Variants in UBR2 observed in about 807,000 individuals in gnomAD.
UBR2 encodes the protein E3 ubiquitin-protein ligase UBR2.
UBR2 carries 92 observed loss-of-function variants against 247.9 expected under a neutral mutation model. The ratio of observed to expected loss-of-function variants is 0.37; its 90% CI spans 0.31 to 0.44. The LOEUF (loss-of-function observed/expected upper bound fraction) is 0.44, where lower values mean the gene tolerates loss of function less well. UBR2 is among the 20% of genes least tolerant of loss of function. UBR2 has a pLI of 1.00. For synonymous variants in UBR2, 672 were observed against 693.5 expected, an observed-to-expected ratio of 0.97 and a Z score of 0.49; for missense variants, 1,613 against 2,112.6, an observed-to-expected ratio of 0.76 and a Z score of 4.64.
intron 31 of UBR2, 120 bp from the exon 32 acceptor site, chr6:42,663,138 G>T: frequency 1.2e-6 from 1 of 821,546 alleles, no homozygotes. Flanking sequence ...AAATAATTTA[G>T]TTTAAGATTT....
intron 8 of UBR2, among the ~76,000 whole-genome samples, chr6:42,614,752 A>C (rs879594568): frequency 9.2e-5 from 14 of 152,038 alleles, no homozygotes; most frequent in Admixed American, 2.0e-4. Context: ...AATTAGCATA[A>C]GTGCTTGAAG....
At chr6:42,638,335 G>A (rs1467977150) in intron 15 of UBR2, among the ~76,000 whole-genome samples, 3 of 151,980 alleles carry the variant, frequency 2.0e-5, no homozygotes, top group Non-Finnish European at 1.5e-5. Context: ...GGGGTCAGTA[G>A]TAATGATTCC....
At chr6:42,613,464 C>T (rs1794220821) in intron 8 of UBR2, among the ~76,000 whole-genome samples, 1 of 152,134 alleles carries the variant, frequency 6.6e-6, no homozygotes, top group South Asian at 2.1e-4. Context: ...GCCCACTCCT[C>T]TAGTCATAAC....
chr6:42,640,359 T>C, intron 16 of UBR2, 89 bp downstream of exon 16: 1 of 1,120,774 alleles, frequency 8.9e-7, no homozygotes, highest in Non-Finnish European at 1.3e-6. Flanking sequence ...TAGTTTGGGT[T>C]CTCCAGAGGA....
intron 11 of UBR2, among the ~76,000 whole-genome samples, chr6:42,624,012 T>TTA (rs2151945598): frequency 6.6e-6 from 1 of 152,338 alleles, no homozygotes; most frequent in South Asian, 2.1e-4. Flanking sequence ...TCTTTCCTTG[T>TTA]TATAGCCTTT....
At chr6:42,615,635 A>C (rs1019500128) in intron 9 of UBR2, among the ~76,000 whole-genome samples, 1 of 151,970 alleles carries the variant, frequency 6.6e-6, no homozygotes, top group East Asian at 1.9e-4. Context: ...TTTGAGACTT[A>C]AAATACAAGC....
At chr6:42,635,591 G>T (rs749446266) in intron 14 of UBR2, 45 bp downstream of exon 14, 1 of 1,572,688 alleles carries the variant, frequency 6.4e-7, no homozygotes. Flanking sequence ...AGTGGAAGAG[G>T]GAGGAATAAG....
chr6:42,688,494 T>C, intron 45 of UBR2, 108 bp downstream of exon 45: 1 of 1,304,338 alleles, frequency 7.7e-7, no homozygotes, highest in Non-Finnish European at 1.1e-6. Flanking sequence ...TACTGTTCCG[T>C]GTGATTCATT....
rs181670723 is a variant in UBR2 at position 42,652,737 on chromosome 6, C to T, written c.2769+92C>T. ...GTATCTATACACAGGAAAACTAGGC[C>T]GAAATGTATTGTGTTTTCCTAACTT... On this transcript the variant is annotated intron_variant, in intron 25 of 46. Transcript: ENST00000372901. 80 of 1,177,224 alleles carry T rather than the reference C, an allele frequency of 6.8e-5. 1 individual carries two copies. In the East Asian group the frequency reaches 9.2e-4, roughly 14 times the overall value. The allele number at this position is 1,177,224 out of a possible 1,614,324, so 72.9% of individuals were successfully genotyped here.
At chr6:42,624,129 G>GT (rs1342242435) in intron 11 of UBR2, among the ~76,000 whole-genome samples, 6 of 139,944 alleles carry the variant, frequency 4.3e-5, no homozygotes, top group South Asian at 4.5e-4. Context: ...TTTTTTGTTT[G>GT]TTTGTTTTGT....
Position 42,683,063 on chromosome 6 carries a change from G to A in UBR2, c.4727G>A (p.Arg1576His), listed in dbSNP as rs761770410. 60 of 1,612,144 alleles carry A rather than the reference G, an allele frequency of 3.7e-5. 1 individual carries two copies. Among genetic ancestry groups the A allele is most frequent in the East Asian group, 1.6e-4 (7 of 44,692 alleles). The change falls in exon 43 of 47, where the codon CGT becomes CAT. Residue 1576 changes from arginine (R) to histidine (H), a missense_variant. Physicochemically the swap from Arg to His is conservative, Grantham distance 29. Coordinates refer to ENST00000372901, the MANE Select transcript of UBR2 (RefSeq NM_001363705.2). ...CTCTGTTTACATTAAAGTTGGTGCC[G>A]TAACAGTGAAGTTAAAAGATATCTA... The part of the protein sequence containing the change: ...IMNSLIESWC[R>H]NSEVKRYLEG...
chr6:42,644,669 T>A (rs550483478), intron 20 of UBR2, 133 bp downstream of exon 20: 3 of 683,670 alleles, frequency 4.4e-6, no homozygotes, highest in Non-Finnish European at 7.2e-6. Flanking sequence ...ATTGGAATAT[T>A]TCTCTTTTTC....
In UBR2 at chr6:42,578,958, A is replaced by AACAAAC. The variant is rs1415279279; in HGVS notation, c.338+4968_338+4969insAACACA. ...AGCCTGGGCGAAACTCCATCTCAAA[A>AACAAAC]ACACACACACACAAACACACACACA... On this transcript the variant is annotated intron_variant, in intron 2 of 46. Transcript: ENST00000372901. Among the ~76,000 whole-genome samples the AACAAAC allele has an allele frequency of 4.6e-3, 533 of 116,372 alleles. 3 individuals carry two copies. The highest frequency in any genetic ancestry group is 0.019 in the African/African-American group (516 of 26,862). The allele number at this position is 116,372 out of a possible 152,430, so 76.3% of individuals were successfully genotyped here. A position where few individuals can be genotyped will look rare whatever the true frequency, so the allele number is the denominator to read the frequency against.
At chr6:42,593,755 G>C (rs927307694) in intron 3 of UBR2, among the ~76,000 whole-genome samples, 1 of 152,090 alleles carries the variant, frequency 6.6e-6, no homozygotes, top group African/African-American at 2.4e-5. Flanking sequence ...TATAGTCTTT[G>C]TTGGTTAATT....
rs141198745 is a variant in UBR2, at chr6:42,628,665, G to A, written c.1282-3887G>A. Among the ~76,000 whole-genome samples, 942 of 149,118 alleles carry A rather than the reference G, an allele frequency of 6.3e-3. 11 individuals are homozygous for A. The highest frequency in any genetic ancestry group is 0.022 in the African/African-American group (898 of 40,422). ...TTGAACCTGTGAGGTGGAGGTTGCA[G>A]TGAGCCAAGATCATGCCACTGCACT... is the stretch of plus-strand genomic sequence containing the variant. On this transcript the variant is annotated intron_variant, in intron 11 of 46. Coordinates refer to ENST00000372901, the MANE Select transcript of UBR2 (RefSeq NM_001363705.2).
At chr6:42,600,183 G>A (rs956757398) in intron 4 of UBR2, among the ~76,000 whole-genome samples, 1 of 152,064 alleles carries the variant, frequency 6.6e-6, no homozygotes, top group Non-Finnish European at 1.5e-5. Flanking sequence ...TATTACAGGA[G>A]TATACTGCAT....
At chr6:42,618,634 G>A (rs1006118284) in intron 11 of UBR2, among the ~76,000 whole-genome samples, 1 of 152,162 alleles carries the variant, frequency 6.6e-6, no homozygotes, top group East Asian at 1.9e-4. Flanking sequence ...AATTACATTT[G>A]TGATTTTAAA....
intron 11 of UBR2, among the ~76,000 whole-genome samples, chr6:42,632,069 A>T (rs896885136): frequency 0.072 from 8,162 of 113,872 alleles, 304 homozygotes; most frequent in Middle Eastern, 0.12. Context: ...AAAAAAAAAA[A>T]ATATATATAT....
Position 42,564,258 on chromosome 6 carries a change from G to C in UBR2, c.-62G>C. The C allele has an allele frequency of 6.4e-7, 1 of 1,567,920 alleles. No homozygotes were observed. The highest frequency in any genetic ancestry group is 8.6e-7 in the Non-Finnish European group (1 of 1,157,086). ...GCAGGGGTGGCAGTCGAGGCCGCCG[G>C]GGCCGAGGTGAGGCTGCAGCTCTCC... is the stretch of plus-strand genomic sequence containing the variant. On this transcript the variant is annotated 5_prime_UTR_variant, in exon 1 of 47. Coordinates refer to ENST00000372901, the MANE Select transcript of UBR2 (RefSeq NM_001363705.2).
Sources: allele counts gnomAD v4.1 joint callset (sites outside exome capture counted in the v4.1 genomes callset), GRCh38; gene constraint gnomAD v4.1.1; transcripts MANE v1.5; gene names NCBI Gene and HGNC (gene_info 2026-07-23, HGNC 2026-07-21).